Variants in PPP2R2B observed in about 807,000 individuals in gnomAD.
PPP2R2B encodes serine/threonine-protein phosphatase 2A 55 kDa regulatory subunit B beta isoform.
PPP2R2B carries 5 observed loss-of-function variants against 46.0 expected under a neutral mutation model. The observed-to-expected ratio is 0.11, with a 90% CI of 0.06 to 0.23. PPP2R2B has a LOEUF of 0.23. PPP2R2B is among the 10% of genes least tolerant of loss of function. The pLI is 1.00. For synonymous variants in PPP2R2B, 215 were observed against 206.7 expected, an observed-to-expected ratio of 1.04 and a Z score of -0.34; for missense variants, 367 against 575.0, an observed-to-expected ratio of 0.64 and a Z score of 3.70.
At chr5:147,072,175 T>A (rs1757621268) in intron 2 of PPP2R2B, among the ~76,000 whole-genome samples, 1 of 152,134 alleles carries the variant, frequency 6.6e-6, no homozygotes, top group African/African-American at 2.4e-5. Context: ...GAAAATTAGG[T>A]CTACTATCTA....
At chr5:146,849,503 A>G (rs1323692468) in intron 2 of PPP2R2B, among the ~76,000 whole-genome samples, 1 of 152,208 alleles carries the variant, frequency 6.6e-6, no homozygotes, top group African/African-American at 2.4e-5. Context: ...TATAATGTAC[A>G]TGTTGACTTA....
chr5:146,772,331 G>T (rs916863913), intron 2 of PPP2R2B, among the ~76,000 whole-genome samples: 3 of 142,170 alleles, frequency 2.1e-5, no homozygotes, highest in Non-Finnish European at 4.6e-5. Context: ...TTATGAGCAC[G>T]TAGAATGTAT....
intron 1 of PPP2R2B, among the ~76,000 whole-genome samples, chr5:147,053,926 A>G (rs1369872812): frequency 1.3e-5 from 2 of 152,176 alleles, no homozygotes; most frequent in African/African-American, 2.4e-5. Flanking sequence ...CTCCTCCACG[A>G]TGTTAATGTT....
intron 2 of PPP2R2B, among the ~76,000 whole-genome samples, chr5:146,864,564 AG>A (rs1316109865): frequency 6.6e-6 from 1 of 152,174 alleles, no homozygotes; most frequent in Admixed American, 6.5e-5. Context: ...CTGGGTCACC[AG>A]GTTCCATATA....
intron 5 of PPP2R2B, among the ~76,000 whole-genome samples, chr5:146,688,576 A>G (rs1422846577): frequency 1.3e-5 from 2 of 152,064 alleles, no homozygotes; most frequent in Non-Finnish European, 2.9e-5. Context: ...AGCAAGAACC[A>G]GAGTTGGAAT....
chr5:146,938,751 CTTTTTTTTTTTTTTT>C (rs33961672), intron 1 of PPP2R2B, among the ~76,000 whole-genome samples: 6 of 65,974 alleles, frequency 9.1e-5, no homozygotes, highest in South Asian at 6.8e-4. Context: ...AGATAATAGC[CTTTTTTTTTTTTTTT>C]TTTTTTTTTT....
intron 2 of PPP2R2B, among the ~76,000 whole-genome samples, chr5:146,820,989 T>A (rs1758224159): frequency 6.6e-6 from 1 of 152,172 alleles, no homozygotes; most frequent in Admixed American, 6.5e-5. Flanking sequence ...CCAAGATTAG[T>A]GCATCGCCTT....
chr5:146,940,193 A>G (rs1018298206), intron 1 of PPP2R2B, among the ~76,000 whole-genome samples: 1 of 152,142 alleles, frequency 6.6e-6, no homozygotes, highest in Non-Finnish European at 1.5e-5. Flanking sequence ...GCAGAACTCC[A>G]TGTTGATCTT....
At position 146,698,159 on chromosome 5, in the gene PPP2R2B, A is replaced by G; in HGVS notation, c.169-15T>C. On this transcript the variant is annotated splice_polypyrimidine_tract_variant and intron_variant, in intron 3 of 9. Coordinates refer to ENST00000394411, the MANE Select transcript of PPP2R2B (RefSeq NM_181675.4). ...TGATTTTTACTCTGTAGGAAAGGAA[A>G]AAAATACACAACAGATTAAATCACA... The G allele has an allele frequency of 6.4e-7, 1 of 1,569,348 alleles. No individual in the cohort carries two copies. The highest frequency in any genetic ancestry group is 8.6e-7 in the Non-Finnish European group (1 of 1,164,324).
chr5:146,778,697 G>C (rs2151279445), intron 2 of PPP2R2B, among the ~76,000 whole-genome samples: 1 of 152,210 alleles, frequency 6.6e-6, no homozygotes, highest in East Asian at 1.9e-4. Context: ...AGAGGAGATG[G>C]GTCAGTGACT....
In PPP2R2B at chr5:146,589,737, C is replaced by T. The variant is rs1464078138; in HGVS notation, c.*210G>A. 1.8e-6 allele frequency: 1 copy of T among 549,024 alleles called. No individual in the cohort carries two copies. 34.0% of individuals were successfully genotyped at this position (549,024 alleles called of 1,614,324 possible). On this transcript the variant is annotated 3_prime_UTR_variant, in exon 10 of 10. Transcript: ENST00000394411. Reference sequence around the variant, plus strand: ...TACTGTTAGCTGGCAGCTTTCAATTCTAAACAGAAGTGTCCCAAACCTATT... The same window carrying T: ...TACTGTTAGCTGGCAGCTTTCAATTTTAAACAGAAGTGTCCCAAACCTATT...
intron 2 of PPP2R2B, among the ~76,000 whole-genome samples, chr5:146,867,315 A>G (rs888659551): frequency 6.6e-6 from 1 of 152,176 alleles, no homozygotes; most frequent in Non-Finnish European, 1.5e-5. Flanking sequence ...CATGCAAGAA[A>G]AATATTACAA....
At chr5:146,722,898 T>C (rs1351510875) in intron 2 of PPP2R2B, among the ~76,000 whole-genome samples, 1 of 152,180 alleles carries the variant, frequency 6.6e-6, no homozygotes, top group East Asian at 1.9e-4. Flanking sequence ...TTCTCTCTTG[T>C]CTACTGCCAC....
chr5:147,009,090 T>G (rs1213055911), intron 1 of PPP2R2B, among the ~76,000 whole-genome samples: 1 of 152,202 alleles, frequency 6.6e-6, no homozygotes, highest in Non-Finnish European at 1.5e-5. Flanking sequence ...ACTGGCCATG[T>G]GCTTTTATTA....
At chr5:146,959,042 A>G (rs1752053083) in intron 1 of PPP2R2B, among the ~76,000 whole-genome samples, 1 of 152,204 alleles carries the variant, frequency 6.6e-6, no homozygotes, top group African/African-American at 2.4e-5. Flanking sequence ...GCCTTAATCT[A>G]ACCAAAGCCA....
chr5:146,715,038 G>C (rs1049195469), intron 2 of PPP2R2B, among the ~76,000 whole-genome samples: 2 of 152,142 alleles, frequency 1.3e-5, no homozygotes, highest in East Asian at 3.9e-4. Flanking sequence ...CACATGGGTA[G>C]GCTGACCTCC....
At chr5:146,634,331 G>A (rs1318718958) in intron 7 of PPP2R2B, among the ~76,000 whole-genome samples, 1 of 152,024 alleles carries the variant, frequency 6.6e-6, no homozygotes, top group Non-Finnish European at 1.5e-5. Flanking sequence ...TCAGCCTGAG[G>A]GTTTTGTTTA....
chr5:146,911,135 G>A (rs1198393505), intron 1 of PPP2R2B, among the ~76,000 whole-genome samples: 1 of 150,930 alleles, frequency 6.6e-6, no homozygotes, highest in Non-Finnish European at 1.5e-5. Context: ...CCAAGTTGGA[G>A]TGCAGTAGTG....
At chr5:146,677,807 C>T (rs115522706) in intron 5 of PPP2R2B, among the ~76,000 whole-genome samples, 2,236 of 152,164 alleles carry the variant, frequency 0.015, 19 homozygotes, top group South Asian at 0.023. Flanking sequence ...GGATTACAGG[C>T]GTGTACCACC....
Sources: gnomAD v4.1 joint callset for allele counts (sites outside exome capture counted in the v4.1 genomes callset) on GRCh38, gnomAD v4.1.1 for gene constraint, MANE v1.5 for transcripts, NCBI Gene and HGNC (gene_info 2026-07-23, HGNC 2026-07-21) for gene names.